RELCH: variants seen among roughly 807,000 people sequenced by gnomAD.
RELCH encodes RAB11 binding and LisH domain, coiled-coil and HEAT repeat containing, also known as RAB11-binding protein RELCH.
A neutral mutation model predicts 150.3 loss-of-function variants in RELCH; 41 were observed. That is an observed-to-expected ratio of 0.27 (90% CI 0.21 to 0.35). The LOEUF (loss-of-function observed/expected upper bound fraction) is 0.35, where lower values mean the gene tolerates loss of function less well. RELCH is among the 10% of genes least tolerant of loss of function. The probability of loss-of-function intolerance (pLI) is 1.00; values close to 1 mark genes in which losing one functional copy is unlikely to be tolerated. For missense variants in RELCH, 1,092 were observed against 1,467.8 expected (o/e 0.74, Z 4.18); for synonymous variants, 478 against 531.8 (o/e 0.90, Z 1.39).
intron 19 of RELCH, 45 bp from the exon 20 acceptor site, chr18:62,268,824 C>T: frequency 2.9e-6 from 3 of 1,023,224 alleles, no homozygotes; most frequent in Non-Finnish European, 4.2e-6. Flanking sequence ...TTTCTTTACA[C>T]TTAAAATATA....
intron 1 of RELCH, among the ~76,000 whole-genome samples, chr18:62,191,827 C>T (rs115885106): frequency 0.14 from 21,691 of 152,038 alleles, 1,832 homozygotes; most frequent in African/African-American, 0.24. Context: ...CCATGTCTTT[C>T]CTATTGTGAA....
At chr18:62,252,618 G>A in intron 11 of RELCH, 46 bp from the exon 12 acceptor site, 1 of 1,431,220 alleles carries the variant, frequency 7.0e-7, no homozygotes, top group Non-Finnish European at 9.9e-7. Flanking sequence ...AGTCCTAGTT[G>A]TGCTTTCTCA....
At chr18:62,238,388 AG>A (rs1181017140) in intron 10 of RELCH, among the ~76,000 whole-genome samples, 1 of 152,018 alleles carries the variant, frequency 6.6e-6, no homozygotes, top group Non-Finnish European at 1.5e-5. Flanking sequence ...GAATCTTTTG[AG>A]CCAAATTATA....
intron 27 of RELCH, among the ~76,000 whole-genome samples, chr18:62,293,050 C>T (rs551532571): frequency 6.6e-6 from 1 of 152,278 alleles, no homozygotes; most frequent in East Asian, 1.9e-4. Flanking sequence ...CTTTCTCCTC[C>T]ATCACACACT....
chr18:62,187,429 C>G lies in RELCH; in HGVS notation c.-77C>G. 3 of 1,404,016 alleles carry G rather than the reference C, an allele frequency of 2.1e-6. No individual in the cohort carries two copies. The highest frequency in any genetic ancestry group is 3.3e-5 in the South Asian group (2 of 61,456). The allele number at this position is 1,404,016 out of a possible 1,614,324, so 87.0% of individuals were successfully genotyped here. On this transcript the variant is annotated 5_prime_UTR_variant, in exon 1 of 29. Coordinates refer to ENST00000644646, the MANE Select transcript of RELCH (RefSeq NM_001346231.2). ...CCGGGGCTGTGGAGGTGCGCTGTGT[C>G]CCCTGAGGCCTAGAGGATTCGGGCT...
chr18:62,308,925 T>G lies in RELCH; in HGVS notation c.*3391T>G, dbSNP rs1288426718. 2 of 152,074 alleles carry G rather than the reference T, an allele frequency of 1.3e-5. No individual in the cohort carries two copies. Among genetic ancestry groups the G allele is most frequent in the Non-Finnish European group, 2.9e-5 (2 of 67,984 alleles). The allele number at this position is 152,074 out of a possible 1,614,324, so 9.4% of individuals were successfully genotyped here. On this transcript the variant is annotated 3_prime_UTR_variant, in exon 29 of 29. Coordinates refer to ENST00000644646, the MANE Select transcript of RELCH (RefSeq NM_001346231.2). The stretch of plus-strand genomic sequence containing the variant: ...TACAGTGTGCTTAGTTTTGATACTA[T>G]TTTTTTCAGTACATTAAAAAGAAAT...
At chr18:62,282,168 C>T in intron 24 of RELCH, 138 bp from the exon 25 acceptor site, 1 of 570,518 alleles carries the variant, frequency 1.8e-6, no homozygotes, top group Admixed American at 3.8e-5. Flanking sequence ...TTATTTAATT[C>T]CAAATTTCTA....
At chr18:62,231,615 ATTTTC>A (rs1418688719) in intron 9 of RELCH, among the ~76,000 whole-genome samples, 1 of 151,896 alleles carries the variant, frequency 6.6e-6, no homozygotes, top group African/African-American at 2.4e-5. Context: ...TTACTCTATT[ATTTTC>A]ATTTCATTAG....
rs142528556 is a variant in RELCH at position 62,203,019 on chromosome 18, A to G, written c.527-8134A>G. Reference sequence around the variant, plus strand: ...CGACATGGGCCTAAGAGAAGAGAAGATAGTACTCAAGTGGAGTTTCTGCTT... The same window carrying G: ...CGACATGGGCCTAAGAGAAGAGAAGGTAGTACTCAAGTGGAGTTTCTGCTT... On this transcript the variant is annotated intron_variant, in intron 1 of 28. Coordinates refer to ENST00000644646, the MANE Select transcript of RELCH (RefSeq NM_001346231.2). Among the ~76,000 whole-genome samples the G allele has an allele frequency of 1.5e-3, 235 of 152,336 alleles. 1 individual carries two copies. The highest frequency in any genetic ancestry group is 5.3e-3 in the African/African-American group (219 of 41,578).
At chr18:62,250,691 C>T (rs888655384) in intron 11 of RELCH, among the ~76,000 whole-genome samples, 2 of 152,168 alleles carry the variant, frequency 1.3e-5, no homozygotes, top group Non-Finnish European at 2.9e-5. Flanking sequence ...CTCACCGTTT[C>T]CCCCAGTGTT....
chr18:62,263,484 G>A (rs977403237), intron 16 of RELCH, among the ~76,000 whole-genome samples: 5 of 151,670 alleles, frequency 3.3e-5, no homozygotes, highest in Non-Finnish European at 4.4e-5. Context: ...AGGTTATAAT[G>A]TATTTATTAT....
intron 11 of RELCH, among the ~76,000 whole-genome samples, chr18:62,252,054 G>A (rs992352214): frequency 6.6e-6 from 1 of 151,854 alleles, no homozygotes; most frequent in Non-Finnish European, 1.5e-5. Context: ...GGGGTGCAGT[G>A]GCGCTATCTA....
At position 62,264,739 on chromosome 18, in the gene RELCH, C is replaced by T. The variant is rs2043457768; in HGVS notation, c.2518C>T (p.Leu840Phe). The T allele has an allele frequency of 6.3e-7, 1 of 1,593,440 alleles. No individual in the cohort carries two copies. The highest frequency in any genetic ancestry group is 1.7e-5 in the Admixed American group (1 of 58,098). The change falls in exon 18 of 29, where the codon CTT becomes TTT. Residue 840 changes from leucine (L) to phenylalanine (F), a missense_variant. Leu to Phe is a conservative substitution (Grantham distance 22). This residue lies in a region of RELCH where 707 missense variants were observed against 1,025.4 expected (regional missense o/e 0.69). Coordinates refer to ENST00000644646, the MANE Select transcript of RELCH (RefSeq NM_001346231.2). ...TCCTTTCATATTCAGGTTGCCACAA[C>T]TTATAGAAATAGTTGGCAAAATTAA... ...LWVVNQLLPQ[L>F]IEIVGKINVT...
chr18:62,238,779 A>G (rs533939969), intron 10 of RELCH, among the ~76,000 whole-genome samples: 4 of 152,102 alleles, frequency 2.6e-5, no homozygotes, highest in Non-Finnish European at 5.9e-5. Context: ...ACCACTGAAT[A>G]GACAATTGAA....
At chr18:62,224,979 G>A (rs565189738) in intron 5 of RELCH, among the ~76,000 whole-genome samples, 1 of 152,098 alleles carries the variant, frequency 6.6e-6, no homozygotes, top group Admixed American at 6.6e-5. Context: ...AGATATTATA[G>A]TAAAGATATT....
At chr18:62,210,769 CTG>C in intron 1 of RELCH, among the ~76,000 whole-genome samples, 1 of 152,188 alleles carries the variant, frequency 6.6e-6, no homozygotes, top group East Asian at 1.9e-4. Flanking sequence ...TAATTTTTGA[CTG>C]TGTGATGGAT....
intron 8 of RELCH, among the ~76,000 whole-genome samples, chr18:62,228,806 A>T (rs1568347439): frequency 6.6e-6 from 1 of 152,138 alleles, no homozygotes; most frequent in Non-Finnish European, 1.5e-5. Flanking sequence ...ATCAAAAAGG[A>T]ATTACCCATC....
At chr18:62,191,027 T>A (rs2038594893) in intron 1 of RELCH, among the ~76,000 whole-genome samples, 2 of 152,384 alleles carry the variant, frequency 1.3e-5, no homozygotes, top group South Asian at 4.1e-4. Flanking sequence ...AAGTCATCTA[T>A]GTCTTTGTGT....
chr18:62,244,753 T>C lies in RELCH; in HGVS notation c.1621-11T>C, dbSNP rs1223907574. ...TTTTATTTGAATTTTTCCACCCTCG[T>C]ATTTCTTTAGGAGTTGATCCCCCTC... On this transcript the variant is annotated splice_polypyrimidine_tract_variant and intron_variant, in intron 10 of 28. Coordinates refer to ENST00000644646, the MANE Select transcript of RELCH (RefSeq NM_001346231.2). The C allele has an allele frequency of 3.2e-6, 5 of 1,563,212 alleles. No homozygotes were observed. Among genetic ancestry groups the C allele is most frequent in the Non-Finnish European group, 4.4e-6 (5 of 1,134,366 alleles).
Sources: allele counts gnomAD v4.1 joint callset (sites outside exome capture counted in the v4.1 genomes callset), GRCh38; gene constraint gnomAD v4.1.1; regional missense constraint gnomAD v4.1.1; transcripts MANE v1.5; gene names NCBI Gene and HGNC (gene_info 2026-07-23, HGNC 2026-07-21).